Variants in SLC30A8 observed in about 807,000 individuals in gnomAD.
SLC30A8 encodes solute carrier family 30 member 8.
Under a neutral mutation model 36.9 loss-of-function variants are expected in SLC30A8, and 27 were observed. That is an observed-to-expected ratio of 0.73 (90% confidence interval 0.54 to 1.01). SLC30A8 has a LOEUF of 1.01. Ranked by LOEUF, SLC30A8 falls within the 50% of genes least tolerant of loss-of-function variation. The probability of loss-of-function intolerance (pLI) is 0.00; values close to 1 mark genes in which losing one functional copy is unlikely to be tolerated. For missense variants in SLC30A8, 439 were observed against 452.0 expected (o/e 0.97, Z 0.26); for synonymous variants, 164 against 172.4 (o/e 0.95, Z 0.38).
At chr8:117,019,589 C>T (rs1448232787) in intron 1 of SLC30A8, among the ~76,000 whole-genome samples, 1 of 152,132 alleles carries the variant, frequency 6.6e-6, no homozygotes, top group African/African-American at 2.4e-5. Flanking sequence ...GTTTAATGTT[C>T]CTTTCTCCTT....
At chr8:117,133,788 GA>G (rs993680344), upstream of SLC30A8, among the ~76,000 whole-genome samples, 8 of 151,896 alleles carry the variant, frequency 5.3e-5, no homozygotes, top group Non-Finnish European at 8.8e-5. Flanking sequence ...TTAAGAGTAA[GA>G]ATATACGAGA....
Position 117,135,069 on chromosome 8 carries a change from G to T in SLC30A8, c.-259G>T, listed in dbSNP as rs781010871. ...CATATGAAAGACATACACACTTCAT[G>T]TAATGCTACCTGCAAGTCTCCCTAG... On this transcript the variant is annotated 5_prime_UTR_variant, in exon 1 of 8. It removes an upstream start codon present in the reference 5' UTR. Coordinates refer to ENST00000456015, the MANE Select transcript of SLC30A8 (RefSeq NM_173851.3). 2 of 331,802 alleles carry T rather than the reference G, an allele frequency of 6.0e-6. No individual in the cohort carries two copies. The highest frequency in any genetic ancestry group is 2.1e-5 in the African/African-American group (1 of 47,300). The allele number at this position is 331,802 out of a possible 1,614,324, so 20.6% of individuals were successfully genotyped here. A position where few individuals can be genotyped will look rare whatever the true frequency, so the allele number is the denominator to read the frequency against.
At chr8:117,064,119 G>C (rs1457505931) in intron 2 of SLC30A8, among the ~76,000 whole-genome samples, 1 of 152,062 alleles carries the variant, frequency 6.6e-6, no homozygotes, top group Non-Finnish European at 1.5e-5. Flanking sequence ...AGCCTCCTGA[G>C]TAGCTGGGAT....
Sources: allele counts gnomAD v4.1 joint callset (sites outside exome capture counted in the v4.1 genomes callset), GRCh38; gene constraint gnomAD v4.1.1; transcripts MANE v1.5; gene names NCBI Gene and HGNC (gene_info 2026-07-23, HGNC 2026-07-21).